The following XPC variants were observed in gnomAD, a reference collection of about 807,000 sequenced individuals.
XPC encodes DNA repair protein complementing XP-C cells.
In XPC, 76 loss-of-function variants were observed where a neutral mutation model predicts 95.8. The ratio of observed to expected loss-of-function variants is 0.79; its 90% CI spans 0.66 to 0.96. The LOEUF is 0.96. Among genes scored for constraint, XPC ranks in the 40% least tolerant of loss-of-function variants. XPC has a pLI of 0.00. For synonymous variants in XPC, 442 were observed against 442.1 expected (o/e 1.00, Z 0.00); for missense variants, 1,146 against 1,179.8 (o/e 0.97, Z 0.42).
In XPC at chr3:14,148,957, G is replaced by A. The variant is rs745381627; in HGVS notation, c.2116-9C>T. On this transcript the variant is annotated splice_polypyrimidine_tract_variant and intron_variant, in intron 11 of 15. Transcript: ENST00000285021. Reference sequence around the variant, plus strand: ...GAAAAGCCTTTCACCATCTGCACCAGAGGACACGGCCACCGTTTACAACAA... The same window carrying A: ...GAAAAGCCTTTCACCATCTGCACCAAAGGACACGGCCACCGTTTACAACAA... 1.9e-6 allele frequency: 3 copies of A among 1,613,962 alleles called. No homozygotes were observed. The highest frequency in any genetic ancestry group is 2.5e-6 in the Non-Finnish European group (3 of 1,179,848).
chr3:14,168,242 A>G lies in XPC; in HGVS notation c.536+15T>C. ...TGCATGTGACAGGAGCCTAGAAGCA[A>G]GGGCCTAAGCTTACCTTCTTTCTCT... On this transcript the variant is annotated intron_variant, in intron 4 of 15. Transcript: ENST00000285021. The G allele has an allele frequency of 6.3e-7, 1 of 1,596,400 alleles. No individual in the cohort carries two copies. The highest frequency in any genetic ancestry group is 8.5e-7 in the Non-Finnish European group (1 of 1,173,948).
At chr3:14,175,594 G>A (rs1027825412) in intron 1 of XPC, among the ~76,000 whole-genome samples, 1 of 152,164 alleles carries the variant, frequency 6.6e-6, no homozygotes, top group Admixed American at 6.5e-5. Flanking sequence ...GCTGTTGAAG[G>A]AATTAATGGA....
At chr3:14,170,028 TCA>T in intron 3 of XPC, among the ~76,000 whole-genome samples, 1 of 152,324 alleles carries the variant, frequency 6.6e-6, no homozygotes, top group Non-Finnish European at 1.5e-5. Flanking sequence ...CACTAAACAT[TCA>T]GTGTTTACAG....
chr3:14,172,785 A>C (rs1461862936), intron 2 of XPC, 82 bp downstream of exon 2: 1 of 1,444,896 alleles, frequency 6.9e-7, no homozygotes, highest in African/African-American at 1.4e-5. Flanking sequence ...CCCAGTGACA[A>C]GTAAGAATAG....
At position 14,159,790 on chromosome 3, in the gene XPC, C is replaced by T. The variant is rs3731126; in HGVS notation, c.941G>A (p.Arg314Gln). The change falls in exon 8 of 16, where the codon CGG (arginine) becomes CAG (glutamine). Residue 314 changes from arginine (R) to glutamine (Q), a missense_variant. Transcript: ENST00000285021. ...AATTGGCTGTAGAGACAATACCAGC[C>T]GGGTCAAGAGCTGCAGAGCCCGGAG... Reference protein sequence around the residue: ...LILRALQLLTRLVLSLQPIPL... With the variant: ...LILRALQLLTQLVLSLQPIPL... 3 of 1,562,204 alleles carry T rather than the reference C, an allele frequency of 1.9e-6. No individual in the cohort carries two copies. Among genetic ancestry groups the T allele is most frequent in the Non-Finnish European group, 2.6e-6 (3 of 1,152,970 alleles).
intron 10 of XPC, among the ~76,000 whole-genome samples, chr3:14,155,013 C>T (rs868110182): frequency 6.6e-6 from 1 of 152,206 alleles, no homozygotes; most frequent in African/African-American, 2.4e-5. Context: ...CCGTACATAC[C>T]CATAAGAGGA....
In XPC at chr3:14,148,822, C is replaced by A; in HGVS notation, c.2242G>T (p.Asp748Tyr). The A allele has an allele frequency of 6.2e-7, 1 of 1,614,024 alleles. No individual in the cohort carries two copies. The highest frequency in any genetic ancestry group is 1.7e-5 in the Admixed American group (1 of 60,022). The change falls in exon 12 of 16, where the codon GAC (aspartate) becomes TAC (tyrosine). Residue 748 changes from aspartate (D) to tyrosine (Y), a missense_variant. Transcript: ENST00000285021. ...TEEYQPPVAV[D>Y]GKVPRNEFGN... Reference sequence around the variant, plus strand: ...TCTGATGCTGCCCTTACCTTCCCGTCCACGGCCACTGGGGGCTGATACTCC... The same window carrying A: ...TCTGATGCTGCCCTTACCTTCCCGTACACGGCCACTGGGGGCTGATACTCC...
chr3:14,163,599 G>A (rs1044176702), intron 7 of XPC, among the ~76,000 whole-genome samples: 2 of 152,184 alleles, frequency 1.3e-5, no homozygotes, highest in South Asian at 4.1e-4. Context: ...CAGGGACAGG[G>A]GGGTAACAAT....
At chr3:14,170,218 T>C (rs1696553534) in intron 3 of XPC, among the ~76,000 whole-genome samples, 1 of 152,230 alleles carries the variant, frequency 6.6e-6, no homozygotes, top group Admixed American at 6.5e-5. Context: ...ATCTACCCCA[T>C]TGACAGTCAC....
Position 14,158,942 on chromosome 3 carries a change from AATG to A in XPC, c.991-53_991-51del. The A allele has an allele frequency of 6.2e-7, 1 of 1,608,894 alleles. No individual in the cohort carries two copies. Among genetic ancestry groups the A allele is most frequent in the Non-Finnish European group, 8.5e-7 (1 of 1,178,484 alleles). Reference sequence around the variant, plus strand: ...TTTTTTTTCTCCCCCCTCTTTTGCTAATGATATGATAGAAATCCTGTAATCTAA... The same window carrying A: ...TTTTTTTTCTCCCCCCTCTTTTGCTAATATGATAGAAATCCTGTAATCTAA... On this transcript the variant is annotated intron_variant, in intron 8 of 15. Coordinates refer to ENST00000285021, the MANE Select transcript of XPC (RefSeq NM_004628.5). The surrounding 1 kb of genome is among the most constrained non-coding windows in gnomAD (Gnocchi z 5.2).
intron 11 of XPC, 66 bp downstream of exon 11, chr3:14,152,269 C>T (rs779139339): frequency 3.6e-5 from 52 of 1,441,668 alleles, no homozygotes; most frequent in Non-Finnish European, 4.5e-5. Context: ...TCTCTGCCCC[C>T]AGCTCTCCCG....
intron 10 of XPC, among the ~76,000 whole-genome samples, chr3:14,154,420 G>A (rs202017531): frequency 6.6e-6 from 1 of 152,154 alleles, no homozygotes; most frequent in Non-Finnish European, 1.5e-5. Flanking sequence ...GATGGATGAA[G>A]GCACAAACAA....
At position 14,148,960 on chromosome 3, in the gene XPC, G is replaced by A. The variant is rs1197045952; in HGVS notation, c.2116-12C>T. On this transcript the variant is annotated splice_polypyrimidine_tract_variant and intron_variant, in intron 11 of 15. Transcript: ENST00000285021. ...AAGCCTTTCACCATCTGCACCAGAG[G>A]ACACGGCCACCGTTTACAACAAAGG... 10 of 1,613,876 alleles carry A rather than the reference G, an allele frequency of 6.2e-6. No homozygotes were observed. Among genetic ancestry groups the A allele is most frequent in the East Asian group, 2.2e-5 (1 of 44,884 alleles).
intron 3 of XPC, 94 bp from the exon 4 acceptor site, chr3:14,168,474 A>G: frequency 6.7e-7 from 1 of 1,496,494 alleles, no homozygotes; most frequent in South Asian, 1.2e-5. Flanking sequence ...GGAAGGAGGA[A>G]GTGAGGCATG....
At chr3:14,152,611 A>C (rs1430590416) in intron 10 of XPC, 195 bp from the exon 11 acceptor site, 5 of 531,288 alleles carry the variant, frequency 9.4e-6, no homozygotes, top group Non-Finnish European at 1.6e-5. Flanking sequence ...CTTTTGGGGG[A>C]TGTGTCCACT....
intron 1 of XPC, among the ~76,000 whole-genome samples, chr3:14,176,481 G>A (rs183561055): frequency 7.2e-4 from 109 of 152,294 alleles, no homozygotes; most frequent in African/African-American, 2.5e-3. Flanking sequence ...TAAATGTCAT[G>A]TCAACACTAC....
At chr3:14,172,681 C>T (rs1262738860) in intron 2 of XPC, among the ~76,000 whole-genome samples, 186 bp downstream of exon 2, 1 of 152,198 alleles carries the variant, frequency 6.6e-6, no homozygotes, top group African/African-American at 2.4e-5. Flanking sequence ...AAATCACTTA[C>T]TGCATGCTGT....
In XPC at chr3:14,148,919, C is replaced by G; in HGVS notation, c.2145G>C (p.Arg715=). The change falls in exon 12 of 16, where the codon CGG becomes CGC. Residue 715 remains arginine, a synonymous_variant. Coordinates refer to ENST00000285021, the MANE Select transcript of XPC (RefSeq NM_004628.5). ...GCTGGGGCTCAGCAAGTCGGGCTTT[C>G]CGAGCACGGTTAGAAAAGCCTTTCA... ...KMVKGFSNRA[R]KARLAEPQLR... The G allele has an allele frequency of 6.2e-7, 1 of 1,613,998 alleles. No individual in the cohort carries two copies. The highest frequency in any genetic ancestry group is 8.5e-7 in the Non-Finnish European group (1 of 1,179,890).
At position 14,152,414 on chromosome 3, in the gene XPC, T is replaced by C; in HGVS notation, c.2036A>G (p.Asp679Gly). ...CCTGGAATGCAGAGTGTGCACACAATCCCTGTGGAACCAACACAGGACACA... is the reference window on the plus strand; with the variant it reads ...CCTGGAATGCAGAGTGTGCACACAACCCCTGTGGAACCAACACAGGACACA... ...YCRGEAVYSRDCVHTLHSRDT... is the reference protein window; with the variant it reads ...YCRGEAVYSRGCVHTLHSRDT... Residue 679 changes from aspartate (D) to glycine (G), a missense_variant and splice_region_variant, in exon 11 of 16, where the codon GAT becomes GGT. Physicochemically the swap from Asp to Gly is moderately conservative, Grantham distance 94. Transcript: ENST00000285021. 1.2e-6 allele frequency: 2 copies of C among 1,610,524 alleles called. No individual in the cohort carries two copies. Among genetic ancestry groups the C allele is most frequent in the Non-Finnish European group, 1.7e-6 (2 of 1,178,438 alleles).
Sources: gnomAD v4.1 joint callset for allele counts (sites outside exome capture counted in the v4.1 genomes callset) on GRCh38, gnomAD v4.1.1 for gene constraint, Gnocchi (gnomAD v3.1) non-coding constraint, MANE v1.5 for transcripts, NCBI Gene and HGNC (gene_info 2026-07-23, HGNC 2026-07-21) for gene names.